ATP7A: variants seen among roughly 807,000 people sequenced by gnomAD.
The protein encoded by ATP7A is ATPase copper transporting alpha, also known as copper-transporting ATPase 1.
In ATP7A, 7 loss-of-function variants were observed where a neutral mutation model predicts 83.5. The ratio of observed to expected loss-of-function variants is 0.08; its 90% CI spans 0.05 to 0.16. ATP7A has a LOEUF of 0.16. Among genes scored for constraint, ATP7A ranks in the 10% least tolerant of loss-of-function variants. The probability of loss-of-function intolerance (pLI) is 1.00; values close to 1 mark genes in which losing one functional copy is unlikely to be tolerated. For missense variants in ATP7A, 940 were observed against 1,120.8 expected, an observed-to-expected ratio of 0.84 and a Z score of 2.30; for synonymous variants, 354 against 395.2, an observed-to-expected ratio of 0.90 and a Z score of 1.24.
intron 17 of ATP7A, among the ~76,000 whole-genome samples, chrX:78,035,103 G>A (rs1277945557): frequency 9.0e-5 from 10 of 111,245 alleles, no homozygotes; most frequent in Admixed American, 9.6e-5. Context: ...GTCGTATGTC[G>A]TCAGGGTTTT....
intron 2 of ATP7A, among the ~76,000 whole-genome samples, chrX:77,974,477 A>G (rs782639261): frequency 1.8e-5 from 2 of 110,412 alleles, no homozygotes; most frequent in African/African-American, 6.6e-5. Context: ...TAGTCTGTAT[A>G]TCTTTTTTTT....
intron 14 of ATP7A, among the ~76,000 whole-genome samples, chrX:78,025,107 C>G (rs539261042): frequency 9.0e-6 from 1 of 111,700 alleles, no homozygotes; most frequent in Admixed American, 9.5e-5. Flanking sequence ...TCTGAGAAAG[C>G]TATGGCATAG....
chrX:78,039,853 T>A (rs1452958640), intron 18 of ATP7A, among the ~76,000 whole-genome samples: 1 of 112,330 alleles, frequency 8.9e-6, no homozygotes, highest in African/African-American at 3.2e-5. Flanking sequence ...AATTTTACTA[T>A]AATACTGCAT....
At chrX:78,016,810 C>T (rs933671842) in intron 12 of ATP7A, among the ~76,000 whole-genome samples, 1 of 112,600 alleles carries the variant, frequency 8.9e-6, no homozygotes, top group Admixed American at 9.4e-5. Flanking sequence ...AGATCCACCC[C>T]TGTGGCTTTG....
rs1349171575 is a variant in ATP7A at position 77,999,269 on chromosome X, T to G, written c.1543+585T>G. Among the ~76,000 whole-genome samples the G allele has an allele frequency of 3.6e-5, 4 of 111,315 alleles. No homozygotes were observed. The Admixed American group carries it at 3.8e-4, about 11-fold the overall frequency. ...ACCTTGGCCTCCCAAAGTGCCAGGATTACAGGCGTGAGCCACCACACACGG... is the reference window on the plus strand; with the variant it reads ...ACCTTGGCCTCCCAAAGTGCCAGGAGTACAGGCGTGAGCCACCACACACGG... On this transcript the variant is annotated intron_variant, in intron 5 of 22. Coordinates refer to ENST00000341514, the MANE Select transcript of ATP7A (RefSeq NM_000052.7).
At chrX:77,931,718 T>C (rs1224085501) in intron 1 of ATP7A, among the ~76,000 whole-genome samples, 21 of 84,621 alleles carry the variant, frequency 2.5e-4, no homozygotes, top group South Asian at 1.3e-3. Flanking sequence ...TAGGGGCGGC[T>C]GGGCAGAGGC....
At chrX:77,993,075 A>ATTAG (rs1314006639) in intron 4 of ATP7A, among the ~76,000 whole-genome samples, 2 of 112,520 alleles carry the variant, frequency 1.8e-5, no homozygotes, top group African/African-American at 6.4e-5. Flanking sequence ...CACCACATAA[A>ATTAG]TTAGTTATAT....
At chrX:78,006,094 A>C (rs1274211805) in intron 6 of ATP7A, among the ~76,000 whole-genome samples, 1 of 112,197 alleles carries the variant, frequency 8.9e-6, no homozygotes, top group Non-Finnish European at 1.9e-5. Context: ...TACCATTTTC[A>C]CTTATTGGAT....
At chrX:77,935,179 T>C (rs1557224957) in intron 1 of ATP7A, among the ~76,000 whole-genome samples, 1 of 111,574 alleles carries the variant, frequency 9.0e-6, no homozygotes, top group African/African-American at 3.3e-5. Context: ...CTTTCTATGA[T>C]TTGATTTATA....
At chrX:78,043,048 ATCT>A (rs1239014947) in intron 20 of ATP7A, among the ~76,000 whole-genome samples, 1 of 112,315 alleles carries the variant, frequency 8.9e-6, no homozygotes, top group African/African-American at 3.2e-5. Flanking sequence ...GAATAAAATG[ATCT>A]TCAACAAATA....
chrX:78,001,613 T>C (rs1021928898), intron 5 of ATP7A, among the ~76,000 whole-genome samples: 1 of 111,924 alleles, frequency 8.9e-6, no homozygotes, highest in East Asian at 2.8e-4. Context: ...CTATCCTGTT[T>C]ACTTATTTAA....
At chrX:77,970,286 A>G (rs1402803669) in intron 1 of ATP7A, among the ~76,000 whole-genome samples, 6 of 111,762 alleles carry the variant, frequency 5.4e-5, no homozygotes. Context: ...AACAAGGAAA[A>G]CACAATGCTT....
intron 9 of ATP7A, among the ~76,000 whole-genome samples, chrX:78,012,276 AC>A (rs1165108610): frequency 5.3e-5 from 6 of 112,236 alleles, no homozygotes; most frequent in Non-Finnish European, 9.4e-5. Context: ...ATTTTAAAAA[AC>A]ATCTTAGTTT....
rs950552201 is a variant in ATP7A, at chrX:77,939,661, A to G, written c.-22+28826A>G. Among the ~76,000 whole-genome samples, 4 of 110,919 alleles carry G rather than the reference A, an allele frequency of 3.6e-5. No homozygotes were observed. The Admixed American group carries it at 3.8e-4, about 11-fold the overall frequency. On this transcript the variant is annotated intron_variant, in intron 1 of 22. Coordinates refer to ENST00000341514, the MANE Select transcript of ATP7A (RefSeq NM_000052.7). ...GATGATATATTTGTTTTCTTGAAACATCCACTCTAATTACAGAGTTTACTA... is the reference window on the plus strand; with the variant it reads ...GATGATATATTTGTTTTCTTGAAACGTCCACTCTAATTACAGAGTTTACTA...
intron 1 of ATP7A, among the ~76,000 whole-genome samples, chrX:77,948,222 G>A (rs1333736142): frequency 1.8e-5 from 2 of 109,309 alleles, no homozygotes; most frequent in Non-Finnish European, 3.8e-5. Flanking sequence ...CACCTCCCAG[G>A]TTCATGCCAT....
chrX:78,005,683 CAAAAAAAAAAAAAA>C (rs1218646073), intron 6 of ATP7A, among the ~76,000 whole-genome samples: 152 of 13,699 alleles, frequency 0.011, 4 homozygotes, highest in African/African-American at 0.042. Context: ...AACTCCATCT[CAAAAAAAAAAAAAA>C]AAAAAAAAAG....
chrX:77,957,397 A>C (rs2149064527), intron 1 of ATP7A, among the ~76,000 whole-genome samples: 1 of 109,688 alleles, frequency 9.1e-6, no homozygotes, highest in East Asian at 2.9e-4. Flanking sequence ...AAATATTTAC[A>C]AACTATACAT....
intron 1 of ATP7A, among the ~76,000 whole-genome samples, chrX:77,942,608 G>C (rs782177721): frequency 2.8e-4 from 31 of 109,629 alleles, no homozygotes; most frequent in Non-Finnish European, 5.5e-4. Context: ...ACTATGACTG[G>C]CTAATTTTTT....
chrX:77,961,868 A>C (rs2149067022), intron 1 of ATP7A, among the ~76,000 whole-genome samples: 1 of 111,426 alleles, frequency 9.0e-6, no homozygotes, highest in East Asian at 2.8e-4. Flanking sequence ...GTAGGTATTA[A>C]GAGATATAAT....
Sources: gnomAD v4.1 joint callset for allele counts (sites outside exome capture counted in the v4.1 genomes callset) on GRCh38, gnomAD v4.1.1 for gene constraint, MANE v1.5 for transcripts, NCBI Gene and HGNC (gene_info 2026-07-23, HGNC 2026-07-21) for gene names.